CNTN4: variants seen among roughly 807,000 people sequenced by gnomAD.
The protein encoded by CNTN4 is contactin 4.
CNTN4 carries 77 observed loss-of-function variants against 122.5 expected under a neutral mutation model. That is an observed-to-expected ratio of 0.63 (90% CI 0.52 to 0.76). The LOEUF (loss-of-function observed/expected upper bound fraction) is 0.76. CNTN4 is among the 30% of genes least tolerant of loss of function. The pLI is 0.00. For missense variants in CNTN4, 1,256 were observed against 1,259.1 expected, an observed-to-expected ratio of 1.00 and a Z score of 0.04; for synonymous variants, 512 against 447.0, an observed-to-expected ratio of 1.15 and a Z score of -1.83.
rs553781956 is a variant in CNTN4 at position 2,933,044 on chromosome 3, G to A, written c.1358+7265G>A. On this transcript the variant is annotated intron_variant, in intron 13 of 24. Transcript: ENST00000418658. ...TCACCGTGTTAGCCAGGATGGTCTC[G>A]ATCTCCTGACCTCGTGATCCGCCCG... Among the ~76,000 whole-genome samples the A allele has an allele frequency of 1.8e-4, 27 of 152,030 alleles. No homozygotes were observed. The East Asian group carries it at 2.1e-3, about 12-fold the overall frequency.
intron 3 of CNTN4, among the ~76,000 whole-genome samples, chr3:2,470,112 C>G (rs1411842125): frequency 1.3e-5 from 2 of 151,730 alleles, no homozygotes; most frequent in African/African-American, 2.4e-5. Context: ...CTCGCCCAGG[C>G]TGGAGTGCAG....
chr3:2,397,596 A>G (rs930848950), intron 3 of CNTN4, among the ~76,000 whole-genome samples: 1 of 152,118 alleles, frequency 6.6e-6, no homozygotes, highest in Admixed American at 6.6e-5. Flanking sequence ...TAATGTTGCA[A>G]ACGCCACACT....
At chr3:2,163,449 A>G (rs1234015856) in intron 2 of CNTN4, among the ~76,000 whole-genome samples, 1 of 152,186 alleles carries the variant, frequency 6.6e-6, no homozygotes, top group African/African-American at 2.4e-5. Context: ...TAGGGAAAGA[A>G]TTCATGACTA....
chr3:2,977,003 T>C (rs1693479843), intron 13 of CNTN4, among the ~76,000 whole-genome samples: 1 of 152,190 alleles, frequency 6.6e-6, no homozygotes, highest in Non-Finnish European at 1.5e-5. Flanking sequence ...CAGAGACCCC[T>C]GTACTGTATC....
chr3:2,406,667 A>G (rs1294447615), intron 3 of CNTN4, among the ~76,000 whole-genome samples: 3 of 152,164 alleles, frequency 2.0e-5, no homozygotes, highest in African/African-American at 7.2e-5. Flanking sequence ...ATATTGTACA[A>G]CATACCTCTT....
intron 12 of CNTN4, among the ~76,000 whole-genome samples, chr3:2,915,181 T>C (rs763827451): frequency 1.3e-5 from 2 of 152,214 alleles, no homozygotes; most frequent in African/African-American, 4.8e-5. Context: ...ATCTCCCACC[T>C]GAGCCTCCCA....
chr3:2,810,372 A>G (rs568377282), intron 6 of CNTN4, among the ~76,000 whole-genome samples: 45 of 152,314 alleles, frequency 3.0e-4, no homozygotes, highest in Non-Finnish European at 5.7e-4. Flanking sequence ...CCTTCTTAAC[A>G]TGTAATATTG....
At position 2,888,432 on chromosome 3, in the gene CNTN4, C is replaced by G. The variant is rs77019237; in HGVS notation, c.940+1208C>G. On this transcript the variant is annotated intron_variant, in intron 10 of 24. Transcript: ENST00000418658. ...TTATTTTTTGCCTGATAAGAGACCA[C>G]CAACACAGAATGGTTCTGTCATTCT... Among the ~76,000 whole-genome samples the G allele has an allele frequency of 8.1e-3, 1,225 of 152,072 alleles. 19 individuals carry two copies. The highest frequency in any genetic ancestry group is 0.028 in the African/African-American group (1,170 of 41,400).
chr3:2,174,990 G>A (rs990435412), intron 2 of CNTN4, among the ~76,000 whole-genome samples: 1 of 152,050 alleles, frequency 6.6e-6, no homozygotes, highest in Non-Finnish European at 1.5e-5. Flanking sequence ...TCCAAAACTG[G>A]AGTTTACAAT....
intron 8 of CNTN4, among the ~76,000 whole-genome samples, chr3:2,871,282 CAG>C (rs1347603763): frequency 6.6e-6 from 1 of 152,160 alleles, no homozygotes; most frequent in Non-Finnish European, 1.5e-5. Context: ...AGTGACAAAA[CAG>C]AAGTATATCA....
intron 2 of CNTN4, among the ~76,000 whole-genome samples, chr3:2,241,010 T>A (rs1319243892): frequency 6.6e-6 from 1 of 152,148 alleles, no homozygotes; most frequent in African/African-American, 2.4e-5. Context: ...AAATATATTT[T>A]TATGGCAAAG....
chr3:2,755,868 A>G (rs2090313695), intron 6 of CNTN4, among the ~76,000 whole-genome samples: 1 of 152,194 alleles, frequency 6.6e-6, no homozygotes, highest in Non-Finnish European at 1.5e-5. Context: ...AACAATTAAT[A>G]TTTTGTATCA....
intron 2 of CNTN4, among the ~76,000 whole-genome samples, chr3:2,209,522 AAC>A (rs2038511859): frequency 6.8e-6 from 1 of 147,598 alleles, no homozygotes; most frequent in Non-Finnish European, 1.5e-5. Context: ...TCTCCCTAGT[AAC>A]AAAAAAGGTC....
At chr3:2,799,091 G>A (rs2092283549) in intron 6 of CNTN4, among the ~76,000 whole-genome samples, 1 of 152,168 alleles carries the variant, frequency 6.6e-6, no homozygotes, top group South Asian at 2.1e-4. Context: ...CTGATGATCA[G>A]TGATGTTGAA....
intron 14 of CNTN4, among the ~76,000 whole-genome samples, chr3:3,022,421 C>T (rs942101871): frequency 6.6e-6 from 1 of 152,082 alleles, no homozygotes; most frequent in African/African-American, 2.4e-5. Flanking sequence ...AAATATAAAA[C>T]AGCGTAGTGT....
intron 6 of CNTN4, among the ~76,000 whole-genome samples, chr3:2,746,236 A>T (rs1030174079): frequency 2.6e-5 from 4 of 152,226 alleles, no homozygotes; most frequent in Admixed American, 2.6e-4. Flanking sequence ...TAATCCTACA[A>T]TTCTCTAATT....
At chr3:2,611,648 C>G (rs1193626141) in intron 4 of CNTN4, among the ~76,000 whole-genome samples, 1 of 152,040 alleles carries the variant, frequency 6.6e-6, no homozygotes, top group East Asian at 1.9e-4. Context: ...ATTGCCAATA[C>G]CCAATGCATG....
At chr3:2,705,809 T>TATATATAATATATAATAAATATATATA (rs1455952312) in intron 4 of CNTN4, among the ~76,000 whole-genome samples, 2,732 of 104,018 alleles carry the variant, frequency 0.026, 176 homozygotes, top group African/African-American at 0.11. Flanking sequence ...TTATATATAA[T>TATATATAATATATAATAAATATATATA]ATATATAATA....
intron 6 of CNTN4, among the ~76,000 whole-genome samples, chr3:2,811,404 T>C (rs1213833079): frequency 1.2e-4 from 14 of 115,516 alleles, no homozygotes; most frequent in Non-Finnish European, 1.9e-5. Flanking sequence ...CAAGACTCAG[T>C]GTCAAAAAAA....
Sources: gnomAD v4.1 joint callset for allele counts (sites outside exome capture counted in the v4.1 genomes callset) on GRCh38, gnomAD v4.1.1 for gene constraint, MANE v1.5 for transcripts, NCBI Gene and HGNC (gene_info 2026-07-23, HGNC 2026-07-21) for gene names.